The following C12orf42 variants were observed in gnomAD, a reference collection of about 807,000 sequenced individuals.
C12orf42 encodes uncharacterized protein C12orf42.
In C12orf42, 25 loss-of-function variants were observed where a neutral mutation model predicts 21.6. That is an observed-to-expected ratio of 1.16 (90% CI 0.84 to 1.62). The LOEUF is 1.62. Ranked by LOEUF, C12orf42 falls within the 40% of genes most tolerant of loss-of-function variation. C12orf42 has a pLI of 0.00. For missense variants in C12orf42, 483 were observed against 459.3 expected, an observed-to-expected ratio of 1.05 and a Z score of -0.47; for synonymous variants, 174 against 175.0, an observed-to-expected ratio of 0.99 and a Z score of 0.05.
chr12:103,251,222 C>T (rs1485613083), intron 10 of C12orf42, among the ~76,000 whole-genome samples: 6 of 152,064 alleles, frequency 3.9e-5, no homozygotes, highest in African/African-American at 1.4e-4. Flanking sequence ...AAACAGCAAC[C>T]AACTTCTACA....
chr12:103,111,771 G>A, the C12orf42 span, among the ~76,000 whole-genome samples: 1 of 152,106 alleles, frequency 6.6e-6, no homozygotes. Context: ...AATTCACACA[G>A]AATTTTAAGA....
chr12:103,097,774 A>C, the C12orf42 span, among the ~76,000 whole-genome samples: 1 of 152,236 alleles, frequency 6.6e-6, no homozygotes, highest in Non-Finnish European at 1.5e-5. Context: ...TGATTTAAAC[A>C]ATTCAATTAT....
At chr12:103,207,238 A>C in the C12orf42 span, among the ~76,000 whole-genome samples, 55,747 of 152,038 alleles carry the variant, frequency 0.37, 10,949 homozygotes, top group South Asian at 0.45. Flanking sequence ...ATTAACCAAA[A>C]TTTTGTGTTA....
At chr12:103,274,665 A>G (rs977782926) in intron 5 of C12orf42, among the ~76,000 whole-genome samples, 3 of 152,132 alleles carry the variant, frequency 2.0e-5, no homozygotes, top group African/African-American at 7.2e-5. Context: ...GTGTGTATGC[A>G]TGCACATGAA....
At chr12:103,467,286 T>C (rs1565875912) in intron 2 of C12orf42, among the ~76,000 whole-genome samples, 1 of 152,220 alleles carries the variant, frequency 6.6e-6, no homozygotes, top group Non-Finnish European at 1.5e-5. Context: ...ACATAACCAT[T>C]GTATATTGCA....
intron 2 of C12orf42, among the ~76,000 whole-genome samples, chr12:103,456,684 G>C (rs1318924110): frequency 6.6e-6 from 1 of 152,112 alleles, no homozygotes; most frequent in Non-Finnish European, 1.5e-5. Context: ...ATGTGGTACT[G>C]TCTATATACT....
At chr12:103,490,104 A>C (rs1955098467) in intron 1 of C12orf42, among the ~76,000 whole-genome samples, 1 of 152,232 alleles carries the variant, frequency 6.6e-6, no homozygotes, top group South Asian at 2.1e-4. Flanking sequence ...AAACTATGTC[A>C]GGTTTATGTA....
chr12:103,206,139 T>C, the C12orf42 span, among the ~76,000 whole-genome samples: 6 of 152,284 alleles, frequency 3.9e-5, no homozygotes, highest in East Asian at 1.2e-3. Context: ...GATTGGCTGA[T>C]GTGGGAATAT....
the C12orf42 span, among the ~76,000 whole-genome samples, chr12:103,165,711 A>C: frequency 5.3e-5 from 8 of 152,320 alleles, no homozygotes; most frequent in South Asian, 4.1e-4. Context: ...ACTGCCCTTA[A>C]GAAGCTTATA....
chr12:103,286,081 T>C (rs2036437825), intron 4 of C12orf42, among the ~76,000 whole-genome samples: 1 of 151,836 alleles, frequency 6.6e-6, no homozygotes, highest in Admixed American at 6.6e-5. Context: ...ACATCTTTAC[T>C]AAAAATACAA....
the C12orf42 span, among the ~76,000 whole-genome samples, chr12:103,537,967 T>C: frequency 5.3e-5 from 8 of 152,214 alleles, no homozygotes; most frequent in African/African-American, 1.2e-4. Flanking sequence ...ATTATGCCAG[T>C]ATACCAGTTT....
At chr12:103,165,918 G>A in the C12orf42 span, among the ~76,000 whole-genome samples, 12 of 152,122 alleles carry the variant, frequency 7.9e-5, no homozygotes, top group Non-Finnish European at 1.8e-4. Context: ...GCGGGTGCCT[G>A]TAGTCCCAGC....
At chr12:103,147,613 TTCTC>T in the C12orf42 span, among the ~76,000 whole-genome samples, 7 of 133,052 alleles carry the variant, frequency 5.3e-5, no homozygotes, top group African/African-American at 1.2e-4. Flanking sequence ...TTGCCACTTC[TTCTC>T]TCTCTCTTTT....
chr12:103,474,454 A>G (rs202044673), intron 2 of C12orf42, among the ~76,000 whole-genome samples: 6 of 149,376 alleles, frequency 4.0e-5, no homozygotes, highest in South Asian at 2.1e-4. Flanking sequence ...GTATGTATGT[A>G]TGTGTGTGTG....
intron 4 of C12orf42, among the ~76,000 whole-genome samples, chr12:103,280,125 T>G (rs987155260): frequency 6.6e-6 from 1 of 152,162 alleles, no homozygotes; most frequent in African/African-American, 2.4e-5. Flanking sequence ...ATGACCTCAC[T>G]TCATTCTTAC....
the C12orf42 span, among the ~76,000 whole-genome samples, chr12:103,087,400 GA>G: frequency 6.6e-6 from 1 of 152,174 alleles, no homozygotes; most frequent in Non-Finnish European, 1.5e-5. Flanking sequence ...GAGAAACATG[GA>G]GCAGAAGAGA....
At chr12:103,251,777 C>T (rs1240178717) in intron 10 of C12orf42, among the ~76,000 whole-genome samples, 1 of 152,148 alleles carries the variant, frequency 6.6e-6, no homozygotes, top group Non-Finnish European at 1.5e-5. Flanking sequence ...ACAACTGCTA[C>T]AAGTGATTGT....
At chr12:103,514,869 A>G in the C12orf42 span, among the ~76,000 whole-genome samples, 1 of 152,190 alleles carries the variant, frequency 6.6e-6, no homozygotes, top group Admixed American at 6.5e-5. Context: ...CACACAAATA[A>G]TTATTAGTTT....
the C12orf42 span, among the ~76,000 whole-genome samples, chr12:103,224,651 C>T: frequency 6.6e-6 from 1 of 152,066 alleles, no homozygotes; most frequent in African/African-American, 2.4e-5. Flanking sequence ...AAAGTATATG[C>T]GTCAGGTGTG....
Sources: allele counts gnomAD v4.1 joint callset (sites outside exome capture counted in the v4.1 genomes callset), GRCh38; gene constraint gnomAD v4.1.1; transcripts MANE v1.5; gene names NCBI Gene and HGNC (gene_info 2026-07-23, HGNC 2026-07-21).